Variants in DOCK3 observed in about 807,000 individuals in gnomAD.
DOCK3 encodes the protein dedicator of cytokinesis protein 3.
In DOCK3, 60 loss-of-function variants were observed where a neutral mutation model predicts 265.6. The ratio of observed to expected loss-of-function variants is 0.23; its 90% CI spans 0.18 to 0.28. DOCK3 has a LOEUF of 0.28. DOCK3 is among the 10% of genes least tolerant of loss of function. The pLI is 1.00. For missense variants in DOCK3, 1,981 were observed against 2,594.3 expected (o/e 0.76, Z 5.14); for synonymous variants, 881 against 938.0 (o/e 0.94, Z 1.11).
intron 9 of DOCK3, among the ~76,000 whole-genome samples, chr3:51,133,303 T>A: frequency 9.6e-6 from 1 of 104,146 alleles, no homozygotes. Flanking sequence ...CCTAATGCTA[T>A]CCCTCCCCCC....
chr3:51,101,375 CTCCCAAAGT>C (rs1256065874), intron 9 of DOCK3, among the ~76,000 whole-genome samples: 1 of 152,188 alleles, frequency 6.6e-6, no homozygotes, highest in Admixed American at 6.5e-5. Context: ...CTGCCTCGGC[CTCCCAAAGT>C]TCTGGGATTA....
At chr3:50,680,360 C>T (rs907003554) in intron 1 of DOCK3, among the ~76,000 whole-genome samples, 4 of 150,978 alleles carry the variant, frequency 2.6e-5, no homozygotes, top group African/African-American at 9.7e-5. Flanking sequence ...TACAGGTGTG[C>T]GCCGCCACAC....
At chr3:51,356,010 C>G in intron 41 of DOCK3, 79 bp from the exon 42 acceptor site, 1 of 1,573,092 alleles carries the variant, frequency 6.4e-7, no homozygotes, top group Non-Finnish European at 8.7e-7. Context: ...TGCACTTCTC[C>G]CCTTTGAGGA....
At chr3:51,377,813 C>A (rs1274321132) in intron 51 of DOCK3, among the ~76,000 whole-genome samples, 1 of 152,230 alleles carries the variant, frequency 6.6e-6, no homozygotes, top group Non-Finnish European at 1.5e-5. Flanking sequence ...CCTTTGAGCC[C>A]TTGTGGGTGA....
At chr3:50,943,582 A>G (rs1284299704) in intron 5 of DOCK3, among the ~76,000 whole-genome samples, 2 of 152,008 alleles carry the variant, frequency 1.3e-5, no homozygotes, top group Admixed American at 6.5e-5. Context: ...TTTCTTATCT[A>G]TTTTCAAAGT....
At chr3:51,255,980 G>T (rs1484444938) in intron 22 of DOCK3, among the ~76,000 whole-genome samples, 1 of 152,082 alleles carries the variant, frequency 6.6e-6, no homozygotes, top group Non-Finnish European at 1.5e-5. Flanking sequence ...TTCTGCTTTG[G>T]TTTCTCCCCA....
At position 51,136,746 on chromosome 3, in the gene DOCK3, G is replaced by A. The variant is rs1284080841; in HGVS notation, c.747-9803G>A. Among the ~76,000 whole-genome samples the A allele has an allele frequency of 2.6e-5, 4 of 152,024 alleles. No individual in the cohort carries two copies. The East Asian group carries it at 5.8e-4, about 22-fold the overall frequency. On this transcript the variant is annotated intron_variant, in intron 9 of 52. Coordinates refer to ENST00000266037, the MANE Select transcript of DOCK3 (RefSeq NM_004947.5). ...AAGAGGAAGGCTAGAAAGAACCCTT[G>A]CATTATACCAGTAGTTACAAAAATG...
chr3:50,763,961 G>A (rs1228963512), intron 1 of DOCK3, among the ~76,000 whole-genome samples: 1 of 152,086 alleles, frequency 6.6e-6, no homozygotes, highest in African/African-American at 2.4e-5. Flanking sequence ...TATATTCTCA[G>A]GACATATTTC....
chr3:50,822,619 C>T (rs751566330), intron 2 of DOCK3, among the ~76,000 whole-genome samples: 2 of 152,102 alleles, frequency 1.3e-5, no homozygotes, highest in Admixed American at 6.5e-5. Context: ...ATTTCAGTCT[C>T]CTGAATAGCT....
chr3:51,054,852 C>T lies in DOCK3; in HGVS notation c.316-9596C>T, dbSNP rs4639006. 7.6e-3 allele frequency among the ~76,000 whole-genome samples: 1,161 copies of T among 152,082 alleles called. 131 individuals are homozygous for T. The East Asian group carries it at 0.2, about 26-fold the overall frequency. On this transcript the variant is annotated intron_variant, in intron 5 of 52. Transcript: ENST00000266037. ...ATGGATGTGCTATAATTTCTGTGGT[C>T]TTGTAAAATATTAATTATTTTTTCT...
At chr3:50,982,739 G>A (rs2077739319) in intron 5 of DOCK3, among the ~76,000 whole-genome samples, 1 of 152,216 alleles carries the variant, frequency 6.6e-6, no homozygotes, top group African/African-American at 2.4e-5. Flanking sequence ...GTGGGGCTGG[G>A]CTGAGCTGCC....
At chr3:51,066,252 A>T (rs1471034403) in intron 6 of DOCK3, among the ~76,000 whole-genome samples, 1 of 152,326 alleles carries the variant, frequency 6.6e-6, no homozygotes, top group East Asian at 1.9e-4. Context: ...AATTTGTCAG[A>T]GCCAAAAAAC....
intron 2 of DOCK3, among the ~76,000 whole-genome samples, chr3:50,812,966 A>G (rs1441287302): frequency 6.6e-6 from 1 of 152,186 alleles, no homozygotes; most frequent in Non-Finnish European, 1.5e-5. Context: ...TTTCTTCATG[A>G]GATTTGTTTC....
chr3:50,926,628 A>G (rs1169869977), intron 4 of DOCK3, among the ~76,000 whole-genome samples: 1 of 152,198 alleles, frequency 6.6e-6, no homozygotes, highest in Non-Finnish European at 1.5e-5. Context: ...GGGAATTAGC[A>G]TGGGTGCCCA....
chr3:50,976,702 G>C (rs1375330475), intron 5 of DOCK3, among the ~76,000 whole-genome samples: 1 of 151,736 alleles, frequency 6.6e-6, no homozygotes, highest in Non-Finnish European at 1.5e-5. Context: ...TATCCTTGTT[G>C]ACTTTCTGTC....
At chr3:50,816,797 T>TC (rs1298247661) in intron 2 of DOCK3, among the ~76,000 whole-genome samples, 1 of 152,110 alleles carries the variant, frequency 6.6e-6, no homozygotes, top group Non-Finnish European at 1.5e-5. Context: ...TTTTCATTTC[T>TC]TTTCTTTCTT....
At chr3:51,367,246 G>T (rs2087262462) in intron 49 of DOCK3, among the ~76,000 whole-genome samples, 1 of 152,088 alleles carries the variant, frequency 6.6e-6, no homozygotes, top group Non-Finnish European at 1.5e-5. Context: ...TTATGTAATG[G>T]CCTTCTTTAT....
intron 9 of DOCK3, among the ~76,000 whole-genome samples, chr3:51,130,762 C>T (rs971439234): frequency 2.0e-5 from 3 of 152,186 alleles, no homozygotes; most frequent in African/African-American, 7.2e-5. Flanking sequence ...AGCTGGAGTG[C>T]AGTGGAGTGA....
chr3:50,983,847 T>A (rs2077792751), intron 5 of DOCK3, among the ~76,000 whole-genome samples: 1 of 152,076 alleles, frequency 6.6e-6, no homozygotes, highest in East Asian at 1.9e-4. Flanking sequence ...CTGCAGCTCT[T>A]TGGGGAGCCC....
Sources: allele counts gnomAD v4.1 joint callset (sites outside exome capture counted in the v4.1 genomes callset), GRCh38; gene constraint gnomAD v4.1.1; transcripts MANE v1.5; gene names NCBI Gene and HGNC (gene_info 2026-07-23, HGNC 2026-07-21).